ERBB4: variants seen among roughly 807,000 people sequenced by gnomAD.
The protein encoded by ERBB4 is erb-b2 receptor tyrosine kinase 4.
In ERBB4, 42 loss-of-function variants were observed where a neutral mutation model predicts 158.0. The observed-to-expected ratio is 0.27, with a 90% CI of 0.21 to 0.34. The LOEUF (loss-of-function observed/expected upper bound fraction) is 0.34, where lower values mean the gene tolerates loss of function less well. ERBB4 is among the 10% of genes least tolerant of loss of function. ERBB4 has a pLI of 1.00. For synonymous variants in ERBB4, 583 were observed against 558.7 expected (o/e 1.04, Z -0.61); for missense variants, 1,333 against 1,624.1 (o/e 0.82, Z 3.08).
At chr2:212,120,812 TG>T (rs2079724537) in intron 2 of ERBB4, among the ~76,000 whole-genome samples, 1 of 152,202 alleles carries the variant, frequency 6.6e-6, no homozygotes, top group African/African-American at 2.4e-5. Context: ...ATAAGAAATT[TG>T]GTGCATAAAT....
chr2:212,482,900 G>A (rs112481637), intron 1 of ERBB4, among the ~76,000 whole-genome samples: 7,391 of 152,278 alleles, frequency 0.049, 602 homozygotes, highest in African/African-American at 0.17. Flanking sequence ...GGGACTACAG[G>A]CGTGAACCAC....
intron 20 of ERBB4, among the ~76,000 whole-genome samples, chr2:211,458,233 A>G (rs2064434912): frequency 6.6e-6 from 1 of 151,892 alleles, no homozygotes; most frequent in South Asian, 2.1e-4. Flanking sequence ...CTACTGTACA[A>G]TGAGCCTTTG....
chr2:211,999,099 G>A (rs964713262), intron 2 of ERBB4, among the ~76,000 whole-genome samples: 9 of 151,246 alleles, frequency 6.0e-5, no homozygotes, highest in Middle Eastern at 3.5e-3. Flanking sequence ...GATTTTTGAG[G>A]AATATTTAAT....
chr2:211,886,915 A>T (rs1207249381), intron 3 of ERBB4, among the ~76,000 whole-genome samples: 1 of 152,214 alleles, frequency 6.6e-6, no homozygotes, highest in Non-Finnish European at 1.5e-5. Context: ...GAGGATTCAC[A>T]GTGGGTTCTC....
At chr2:211,891,819 A>C (rs1312899070) in intron 3 of ERBB4, among the ~76,000 whole-genome samples, 1 of 136,788 alleles carries the variant, frequency 7.3e-6, no homozygotes, top group Admixed American at 7.2e-5. Context: ...GAAATGGATA[A>C]ATTCCTCAAC....
intron 1 of ERBB4, among the ~76,000 whole-genome samples, chr2:212,350,409 A>G (rs2089202112): frequency 6.6e-6 from 1 of 152,136 alleles, no homozygotes; most frequent in Non-Finnish European, 1.5e-5. Context: ...GCATGAGATG[A>G]ATTCCAAGAA....
intron 3 of ERBB4, among the ~76,000 whole-genome samples, chr2:211,916,842 T>G (rs2043962627): frequency 6.6e-6 from 1 of 152,202 alleles, no homozygotes; most frequent in Non-Finnish European, 1.5e-5. Flanking sequence ...ACATAGGAAA[T>G]ACATATTTTC....
intron 1 of ERBB4, among the ~76,000 whole-genome samples, chr2:212,404,867 C>T (rs1456205915): frequency 6.6e-6 from 1 of 152,006 alleles, no homozygotes. Context: ...GAGTTCTCAT[C>T]ATTTAGCTCC....
intron 4 of ERBB4, among the ~76,000 whole-genome samples, chr2:211,786,892 A>G (rs2076177211): frequency 6.6e-6 from 1 of 152,208 alleles, no homozygotes; most frequent in Non-Finnish European, 1.5e-5. Context: ...CTCACATGTA[A>G]TTTTACAAAG....
chr2:212,270,844 G>C (rs1006035018), intron 1 of ERBB4, among the ~76,000 whole-genome samples: 5 of 151,722 alleles, frequency 3.3e-5, no homozygotes, highest in Non-Finnish European at 7.4e-5. Context: ...AATAGAGAGA[G>C]AGAGAGACCT....
At chr2:212,153,305 G>A (rs2080929200) in intron 1 of ERBB4, among the ~76,000 whole-genome samples, 1 of 152,114 alleles carries the variant, frequency 6.6e-6, no homozygotes, top group Non-Finnish European at 1.5e-5. Flanking sequence ...CTGCCCAAAG[G>A]TAAAGGAGTT....
At chr2:212,395,776 C>A (rs1311632983) in intron 1 of ERBB4, among the ~76,000 whole-genome samples, 1 of 152,020 alleles carries the variant, frequency 6.6e-6, no homozygotes, top group Non-Finnish European at 1.5e-5. Context: ...TGTGCCACCA[C>A]ATCCAGCTAA....
At chr2:212,387,360 T>C (rs1216685019) in intron 1 of ERBB4, among the ~76,000 whole-genome samples, 1 of 152,144 alleles carries the variant, frequency 6.6e-6, no homozygotes, top group Non-Finnish European at 1.5e-5. Flanking sequence ...AATTTGGGCC[T>C]CATGTCTGGA....
rs192264697 is a variant in ERBB4, at chr2:212,444,230, A to C, written c.82+94219T>G. On this transcript the variant is annotated intron_variant, in intron 1 of 27. Transcript: ENST00000342788. ...CTGCACAATATGCAAGCACTACCTG[A>C]AAGTGGACAGCTGTAGCACTACAGC... Among the ~76,000 whole-genome samples, 24 of 152,296 alleles carry C rather than the reference A, an allele frequency of 1.6e-4. No homozygotes were observed. The East Asian group carries it at 4.4e-3, about 28-fold the overall frequency.
intron 1 of ERBB4, among the ~76,000 whole-genome samples, chr2:212,218,350 C>T (rs1009777265): frequency 2.6e-5 from 4 of 151,248 alleles, no homozygotes; most frequent in Admixed American, 1.3e-4. Context: ...TAAATTTTTC[C>T]CTAACTCTAT....
intron 20 of ERBB4, among the ~76,000 whole-genome samples, chr2:211,529,074 A>T (rs2066425987): frequency 6.6e-6 from 1 of 151,740 alleles, no homozygotes; most frequent in Non-Finnish European, 1.5e-5. Context: ...GGTTTTTTTG[A>T]AACAATAAAC....
chr2:211,534,726 G>A (rs1280711224), intron 20 of ERBB4, among the ~76,000 whole-genome samples: 2 of 152,094 alleles, frequency 1.3e-5, no homozygotes, highest in African/African-American at 4.8e-5. Context: ...AAAGGAGTAG[G>A]AGGAAAATAC....
intron 3 of ERBB4, among the ~76,000 whole-genome samples, chr2:211,848,173 T>C (rs560022151): frequency 1.3e-5 from 2 of 152,202 alleles, no homozygotes; most frequent in African/African-American, 2.4e-5. Context: ...CTACCTGATA[T>C]TGGCTCAACA....
At chr2:211,452,032 T>C (rs765193636) in intron 20 of ERBB4, among the ~76,000 whole-genome samples, 16 of 152,146 alleles carry the variant, frequency 1.1e-4, no homozygotes, top group Non-Finnish European at 2.4e-4. Context: ...CATTTGTAAT[T>C]ATTTTGAAGT....
Sources: gnomAD v4.1 joint callset for allele counts (sites outside exome capture counted in the v4.1 genomes callset) on GRCh38, gnomAD v4.1.1 for gene constraint, MANE v1.5 for transcripts, NCBI Gene and HGNC (gene_info 2026-07-23, HGNC 2026-07-21) for gene names.